NOX3: variants seen among roughly 807,000 people sequenced by gnomAD.
The protein encoded by NOX3 is NADPH oxidase catalytic subunit-like 3.
NOX3 carries 74 observed loss-of-function variants against 76.7 expected under a neutral mutation model. The observed-to-expected ratio is 0.96, with a 90% CI of 0.80 to 1.17. The LOEUF (loss-of-function observed/expected upper bound fraction) is 1.17. Among genes scored for constraint, NOX3 ranks in the 50% most tolerant of loss-of-function variants. The pLI is 0.00. For missense variants in NOX3, 695 were observed against 703.3 expected, an observed-to-expected ratio of 0.99 and a Z score of 0.13; for synonymous variants, 263 against 261.1, an observed-to-expected ratio of 1.01 and a Z score of -0.07.
intron 10 of NOX3, among the ~76,000 whole-genome samples, chr6:155,421,494 G>C (rs1469787438): frequency 1.3e-5 from 2 of 152,136 alleles, no homozygotes; most frequent in Non-Finnish European, 2.9e-5. Context: ...ATAGGTGTTA[G>C]GTGAGGAAAG....
At chr6:155,404,866 G>C (rs1425026428) in intron 12 of NOX3, among the ~76,000 whole-genome samples, 1 of 152,070 alleles carries the variant, frequency 6.6e-6, no homozygotes, top group Non-Finnish European at 1.5e-5. Context: ...AGATGGTTAT[G>C]AATCTTGGAC....
At position 155,424,251 on chromosome 6, in the gene NOX3, C is replaced by A. The variant is rs562412814; in HGVS notation, c.1146-1395G>T. ...CAATTTATTGGTGTGTATGCGTGAT[C>A]TGATTGATTTCTGTGTAGAGCTGTG... On this transcript the variant is annotated intron_variant, in intron 9 of 13. Transcript: ENST00000159060. Among the ~76,000 whole-genome samples the A allele has an allele frequency of 2.6e-5, 4 of 152,202 alleles. No individual in the cohort carries two copies. The South Asian group carries it at 8.3e-4, about 32-fold the overall frequency.
chr6:155,406,530 C>A (rs1776463396), intron 12 of NOX3, among the ~76,000 whole-genome samples: 1 of 152,160 alleles, frequency 6.6e-6, no homozygotes, highest in African/African-American at 2.4e-5. Context: ...CTTGCAAACT[C>A]CATACAAAGC....
At chr6:155,422,628 G>C (rs1333109925) in intron 10 of NOX3, 66 bp downstream of exon 10, 2 of 1,465,510 alleles carry the variant, frequency 1.4e-6, no homozygotes, top group East Asian at 4.6e-5. Context: ...AGAATCGGCA[G>C]ATGATAGATA....
chr6:155,415,903 A>G (rs758885597), intron 10 of NOX3, among the ~76,000 whole-genome samples: 1 of 152,210 alleles, frequency 6.6e-6, no homozygotes, highest in African/African-American at 2.4e-5. Flanking sequence ...AAGACAGTAT[A>G]TTATAGAGCA....
At position 155,421,999 on chromosome 6, in the gene NOX3, G is replaced by A. The variant is rs1582935069; in HGVS notation, c.1308+695C>T. ...GAGGACACTGTGGACAAAGGGTTAA[G>A]CAGAGAAGATATGCAGGACGGCCCA... On this transcript the variant is annotated intron_variant, in intron 10 of 13. Transcript: ENST00000159060. Among the ~76,000 whole-genome samples the A allele has an allele frequency of 1.3e-5, 2 of 152,316 alleles. 1 individual carries two copies. Among genetic ancestry groups the A allele is most frequent in the South Asian group, 4.1e-4 (2 of 4,824 alleles).
chr6:155,449,544 C>A (rs1340783442), intron 4 of NOX3, among the ~76,000 whole-genome samples: 1 of 152,146 alleles, frequency 6.6e-6, no homozygotes, highest in Non-Finnish European at 1.5e-5. Flanking sequence ...CATAGGCAGA[C>A]AAGCAGGAAG....
At chr6:155,447,717 C>G (rs980854899) in intron 4 of NOX3, among the ~76,000 whole-genome samples, 9 of 152,184 alleles carry the variant, frequency 5.9e-5, no homozygotes, top group Non-Finnish European at 1.2e-4. Flanking sequence ...TTATTTATCT[C>G]AGGCATTCTC....
chr6:155,446,972 T>C (rs1392857921), intron 4 of NOX3, among the ~76,000 whole-genome samples: 2 of 152,226 alleles, frequency 1.3e-5, no homozygotes, highest in African/African-American at 4.8e-5. Flanking sequence ...TATATGATAG[T>C]CAGAAAGAGA....
intron 4 of NOX3, among the ~76,000 whole-genome samples, chr6:155,451,394 A>T (rs1478473480): frequency 1.3e-5 from 2 of 152,180 alleles, no homozygotes; most frequent in Non-Finnish European, 2.9e-5. Context: ...TTTAGTCAAC[A>T]GCTGCTTATA....
At chr6:155,447,535 G>A (rs1441968295) in intron 4 of NOX3, among the ~76,000 whole-genome samples, 1 of 152,188 alleles carries the variant, frequency 6.6e-6, no homozygotes, top group East Asian at 1.9e-4. Context: ...TAATGAAGGA[G>A]TACGAGAAAG....
chr6:155,441,770 C>A (rs1279424212), intron 5 of NOX3, among the ~76,000 whole-genome samples: 1 of 152,048 alleles, frequency 6.6e-6, no homozygotes, highest in East Asian at 1.9e-4. Context: ...ATAGACTATG[C>A]AAAATGTTGA....
intron 10 of NOX3, among the ~76,000 whole-genome samples, chr6:155,412,844 A>T (rs1776572546): frequency 6.6e-6 from 1 of 152,212 alleles, no homozygotes; most frequent in South Asian, 2.1e-4. Context: ...AGTGAACAAG[A>T]CAGGGCCAAA....
At chr6:155,417,513 G>A (rs145672837) in intron 10 of NOX3, among the ~76,000 whole-genome samples, 2 of 152,286 alleles carry the variant, frequency 1.3e-5, no homozygotes, top group East Asian at 3.9e-4. Context: ...GAGGGCTGAT[G>A]GGGTACTGAG....
At chr6:155,426,984 CGTGTGT>C (rs764029957) in intron 9 of NOX3, among the ~76,000 whole-genome samples, 1,154 of 41,912 alleles carry the variant, frequency 0.028, 28 homozygotes, top group African/African-American at 0.073. Flanking sequence ...GACACTGTGG[CGTGTGT>C]GTGTGTGTGT....
chr6:155,437,607 A>C (rs1776925066), intron 6 of NOX3, among the ~76,000 whole-genome samples: 2 of 152,210 alleles, frequency 1.3e-5, no homozygotes, highest in Admixed American at 1.3e-4. Flanking sequence ...GTAAATCTCC[A>C]ATGTACAAAT....
intron 12 of NOX3, among the ~76,000 whole-genome samples, chr6:155,400,284 G>A (rs537125472): frequency 8.5e-5 from 13 of 152,174 alleles, no homozygotes; most frequent in Non-Finnish European, 1.5e-4. Flanking sequence ...TTCTGCTGCC[G>A]TGAGCCCTTC....
At position 155,411,359 on chromosome 6, in the gene NOX3, A is replaced by G. The variant is rs1776549355; in HGVS notation, c.1310T>C (p.Val437Ala). The G allele has an allele frequency of 1.2e-6, 2 of 1,612,708 alleles. No individual in the cohort carries two copies. The highest frequency in any genetic ancestry group is 1.3e-5 in the African/African-American group (1 of 74,878). Residue 437 changes from valine to alanine, a missense_variant and splice_region_variant, in exon 11 of 14, where the codon GTG (valine) becomes GCG (alanine). Transcript: ENST00000159060. ...EAQTPLKLSKVYFYWICRDAR... is the reference protein window; with the variant it reads ...EAQTPLKLSKAYFYWICRDAR... ...ATCCCGGCAAATCCAGTAGAAATAC[A>G]CCTGTCAAGAGAGAAGGCAAGTGAA... is the stretch of plus-strand genomic sequence containing the variant.
In NOX3 at chr6:155,442,498, C is replaced by T. The variant is rs190508667; in HGVS notation, c.486+775G>A. ...GGATTTTCATTGCTGAAGTGTATTG[C>T]CTTACGGCTTTTCTTGGGCAATAAA... On this transcript the variant is annotated intron_variant, in intron 5 of 13. Coordinates refer to ENST00000159060, the MANE Select transcript of NOX3 (RefSeq NM_015718.3). Among the ~76,000 whole-genome samples, 76 of 152,254 alleles carry T rather than the reference C, an allele frequency of 5.0e-4. 1 individual carries two copies. Among genetic ancestry groups the T allele is most frequent in the Non-Finnish European group, 7.8e-4 (53 of 68,016 alleles).
Sources: allele counts gnomAD v4.1 joint callset (sites outside exome capture counted in the v4.1 genomes callset), GRCh38; gene constraint gnomAD v4.1.1; transcripts MANE v1.5; gene names NCBI Gene and HGNC (gene_info 2026-07-23, HGNC 2026-07-21).